GIPC3: variants seen among roughly 807,000 people sequenced by gnomAD.
The protein encoded by GIPC3 is PDZ domain-containing protein GIPC3.
In GIPC3, 16 loss-of-function variants were observed where a neutral mutation model predicts 27.3. The ratio of observed to expected loss-of-function variants is 0.59; its 90% confidence interval spans 0.40 to 0.89. The LOEUF (loss-of-function observed/expected upper bound fraction) is 0.89. GIPC3 is among the 40% of genes least tolerant of loss of function. The probability of loss-of-function intolerance (pLI) is 0.00; values close to 1 mark genes in which losing one functional copy is unlikely to be tolerated. For synonymous variants in GIPC3, 194 were observed against 184.6 expected, an observed-to-expected ratio of 1.05 and a Z score of -0.41; for missense variants, 440 against 442.1, an observed-to-expected ratio of 1.00 and a Z score of 0.04.
Position 3,592,644 on chromosome 19 carries a change from G to A in GIPC3, c.*2454G>A, listed in dbSNP as rs1004129386. The A allele has an allele frequency of 1.2e-5, 15 of 1,231,586 alleles. No homozygotes were observed. Among genetic ancestry groups the A allele is most frequent in the East Asian group, 3.2e-5 (1 of 31,700 alleles). 76.3% of individuals were successfully genotyped at this position (1,231,586 alleles called of 1,614,324 possible). On this transcript the variant is annotated 3_prime_UTR_variant, in exon 6 of 6. Transcript: ENST00000644452. Reference sequence around the variant, plus strand: ...TCAGTTTGGCTCTGAAACCCAGACCGGCTCAAGAATTCAGCCCGACTCTGG... The same window carrying A: ...TCAGTTTGGCTCTGAAACCCAGACCAGCTCAAGAATTCAGCCCGACTCTGG...
rs1599864422 is a variant in GIPC3, at chr19:3,589,680, A to G, written c.705+125A>G. ...TTCTCTGCCTGCAAAATGGGTCCTCATTGAAAAGTGGGGCAATGATGTTGG... is the reference window on the plus strand; with the variant it reads ...TTCTCTGCCTGCAAAATGGGTCCTCGTTGAAAAGTGGGGCAATGATGTTGG... On this transcript the variant is annotated intron_variant, in intron 4 of 5. Transcript: ENST00000644452. 8.3e-6 allele frequency: 9 copies of G among 1,090,316 alleles called. No homozygotes were observed. The East Asian group carries it at 1.8e-4, about 22-fold the overall frequency. The allele number at this position is 1,090,316 out of a possible 1,614,324, so 67.5% of individuals were successfully genotyped here. A position where few individuals can be genotyped will look rare whatever the true frequency, so the allele number is the denominator to read the frequency against.
chr19:3,592,795 G>A lies in GIPC3; in HGVS notation c.*2605G>A. The A allele has an allele frequency of 1.6e-6, 2 of 1,232,130 alleles. No individual in the cohort carries two copies. Among genetic ancestry groups the A allele is most frequent in the South Asian group, 8.2e-5 (2 of 24,324 alleles). The allele number at this position is 1,232,130 out of a possible 1,614,324, so 76.3% of individuals were successfully genotyped here. On this transcript the variant is annotated 3_prime_UTR_variant, in exon 6 of 6. Coordinates refer to ENST00000644452, the MANE Select transcript of GIPC3 (RefSeq NM_133261.3). ...AGTTCTGGAACCCAGCCTGTTTCTG[G>A]AACCCAATCCAGTTCCAGAACTCAC...
intron 3 of GIPC3, among the ~76,000 whole-genome samples, chr19:3,587,695 C>CTTCTTTTCTT (rs2032400543): frequency 7.6e-6 from 1 of 131,208 alleles, no homozygotes; most frequent in Admixed American, 7.7e-5. Context: ...CTTTTCTTTT[C>CTTCTTTTCTT]TTTTTTTTTT....
intron 4 of GIPC3, 124 bp from the exon 5 acceptor site, chr19:3,589,707 A>G (rs989636568): frequency 9.0e-7 from 1 of 1,113,110 alleles, no homozygotes; most frequent in African/African-American, 1.6e-5. Flanking sequence ...TGATGTTGGT[A>G]CCAGCACTAC....
chr19:3,585,625 CG>C lies in GIPC3; in HGVS notation c.33del (p.Thr12ProfsTer85). On this transcript the variant is annotated frameshift_variant, in exon 1 of 6. Transcript: ENST00000644452. LOFTEE classifies it high-confidence loss of function. ...GGAGGGAGCAGCGGCCCGGGAGGCC[CG>C]GGGGACCGAGACCCCGCGCGCGTCT... MEGAAAREA[R>X]GTETPRASAP... The C allele has an allele frequency of 1.7e-6, 2 of 1,173,284 alleles. No individual in the cohort carries two copies. Among genetic ancestry groups the C allele is most frequent in the Non-Finnish European group, 2.1e-6 (2 of 952,598 alleles). 72.7% of individuals were successfully genotyped at this position (1,173,284 alleles called of 1,614,324 possible). A position where few individuals can be genotyped will look rare whatever the true frequency, so the allele number is the denominator to read the frequency against.
intron 3 of GIPC3, among the ~76,000 whole-genome samples, chr19:3,588,640 C>CAA (rs969668918): frequency 0.046 from 3,371 of 73,920 alleles, 224 homozygotes; most frequent in African/African-American, 0.14. Flanking sequence ...TCCATCGTAT[C>CAA]AAAAAAAAAA....
At chr19:3,589,997 G>A (rs775216343) in intron 5 of GIPC3, 42 bp from the exon 6 acceptor site, 30 of 1,613,016 alleles carry the variant, frequency 1.9e-5, no homozygotes, top group Middle Eastern at 3.3e-4. Context: ...AGTTGGGCGC[G>A]GGGAGTGCCC....
rs2032492265 is a variant in GIPC3, at chr19:3,591,854, T to G, written c.*1664T>G. 8.1e-7 allele frequency: 1 copy of G among 1,232,958 alleles called. No individual in the cohort carries two copies. Among genetic ancestry groups the G allele is most frequent in the African/African-American group, 1.6e-5 (1 of 64,434 alleles). 76.4% of individuals were successfully genotyped at this position (1,232,958 alleles called of 1,614,324 possible). A position where few individuals can be genotyped will look rare whatever the true frequency, so the allele number is the denominator to read the frequency against. On this transcript the variant is annotated 3_prime_UTR_variant, in exon 6 of 6. Coordinates refer to ENST00000644452, the MANE Select transcript of GIPC3 (RefSeq NM_133261.3). ...GACCCAGCTCCAGCACACAGCTTGG[T>G]GCCAAGCCCCACTCTCCTTGCACAA...
Position 3,591,929 on chromosome 19 carries a change from C to G in GIPC3, c.*1739C>G. The G allele has an allele frequency of 8.1e-7, 1 of 1,232,394 alleles. No homozygotes were observed. Among genetic ancestry groups the G allele is most frequent in the Non-Finnish European group, 1.0e-6 (1 of 988,274 alleles). 76.3% of individuals were successfully genotyped at this position (1,232,394 alleles called of 1,614,324 possible). On this transcript the variant is annotated 3_prime_UTR_variant, in exon 6 of 6. Coordinates refer to ENST00000644452, the MANE Select transcript of GIPC3 (RefSeq NM_133261.3). Reference sequence around the variant, plus strand: ...TTACTTCCAGGACCCAGACCAATTTCAAGGCCTGGCCAAGCTCCAGAGCTC... The same window carrying G: ...TTACTTCCAGGACCCAGACCAATTTGAAGGCCTGGCCAAGCTCCAGAGCTC...
At position 3,590,387 on chromosome 19, in the gene GIPC3, C is replaced by T; in HGVS notation, c.*197C>T. ...CTGAGGCCAAGCTATGTGCTAGAGC[C>T]CAGGCCAGCTCTGAGACCAAGCCCA... On this transcript the variant is annotated 3_prime_UTR_variant, in exon 6 of 6. Transcript: ENST00000644452. 1 of 1,435,256 alleles carries T rather than the reference C, an allele frequency of 7.0e-7. No homozygotes were observed. Among genetic ancestry groups the T allele is most frequent in the Non-Finnish European group, 9.1e-7 (1 of 1,099,218 alleles). The allele number at this position is 1,435,256 out of a possible 1,614,324, so 88.9% of individuals were successfully genotyped here. A position where few individuals can be genotyped will look rare whatever the true frequency, so the allele number is the denominator to read the frequency against.
chr19:3,592,536 A>G lies in GIPC3; in HGVS notation c.*2346A>G, dbSNP rs1226284065. On this transcript the variant is annotated 3_prime_UTR_variant, in exon 6 of 6. Coordinates refer to ENST00000644452, the MANE Select transcript of GIPC3 (RefSeq NM_133261.3). ...TCAGCTCAGCCCTGGAGCTCATCTT[A>G]GCTCCAGAACCCAGTCCAGTCCTGA... 10 of 1,203,902 alleles carry G rather than the reference A, an allele frequency of 8.3e-6. No homozygotes were observed. Among genetic ancestry groups the G allele is most frequent in the Middle Eastern group, 3.2e-4 (1 of 3,162 alleles). 74.6% of individuals were successfully genotyped at this position (1,203,902 alleles called of 1,614,324 possible).
chr19:3,589,837 G>A lies in GIPC3; in HGVS notation c.712G>A (p.Glu238Lys). Reference sequence around the variant, plus strand: ...CCCTCCCGTGTGCCCCCAGCCCAGTGAGTTTGAGGAGGAGGCATCTCGGAA... The same window carrying A: ...CCCTCCCGTGTGCCCCCAGCCCAGTAAGTTTGAGGAGGAGGCATCTCGGAA... ...GAATVEEAPS[E>K]FEEEASRKVD... The change falls in exon 5 of 6, where the codon GAG becomes AAG. Residue 238 changes from glutamate to lysine, a missense_variant. Transcript: ENST00000644452. 6.2e-7 allele frequency: 1 copy of A among 1,613,736 alleles called. No individual in the cohort carries two copies. Among genetic ancestry groups the A allele is most frequent in the Non-Finnish European group, 8.5e-7 (1 of 1,179,988 alleles).
chr19:3,592,081 A>G lies in GIPC3; in HGVS notation c.*1891A>G. The G allele has an allele frequency of 8.1e-7, 1 of 1,232,168 alleles. No individual in the cohort carries two copies. The highest frequency in any genetic ancestry group is 4.1e-5 in the South Asian group (1 of 24,318). 76.3% of individuals were successfully genotyped at this position (1,232,168 alleles called of 1,614,324 possible). On this transcript the variant is annotated 3_prime_UTR_variant, in exon 6 of 6. Coordinates refer to ENST00000644452, the MANE Select transcript of GIPC3 (RefSeq NM_133261.3). ...GAGACCCAGCCAAGTTCCAGAATCCAGCTAAGCTCTGGAGTCCAATCTAGT... is the reference window on the plus strand; with the variant it reads ...GAGACCCAGCCAAGTTCCAGAATCCGGCTAAGCTCTGGAGTCCAATCTAGT...
chr19:3,590,200 G>A lies in GIPC3; in HGVS notation c.*10G>A. On this transcript the variant is annotated 3_prime_UTR_variant, in exon 6 of 6. Transcript: ENST00000644452. Reference sequence around the variant, plus strand: ...AGAGGCCTGTGGCTAGTTTGCCCTGGGGGGGCCCAGCACAGCCCCAGCCCG... The same window carrying A: ...AGAGGCCTGTGGCTAGTTTGCCCTGAGGGGGCCCAGCACAGCCCCAGCCCG... 1 of 1,582,084 alleles carries A rather than the reference G, an allele frequency of 6.3e-7. No individual in the cohort carries two copies. Among genetic ancestry groups the A allele is most frequent in the Non-Finnish European group, 8.6e-7 (1 of 1,165,340 alleles).
chr19:3,592,869 A>C lies in GIPC3; in HGVS notation c.*2679A>C. ...CCCTGGAAATGGAATCTGCCCACAGACCCCTGGCCTTGACCCTAGAATCCA... is the reference window on the plus strand; with the variant it reads ...CCCTGGAAATGGAATCTGCCCACAGCCCCCTGGCCTTGACCCTAGAATCCA... On this transcript the variant is annotated 3_prime_UTR_variant, in exon 6 of 6. Transcript: ENST00000644452. The C allele has an allele frequency of 8.1e-7, 1 of 1,231,702 alleles. No homozygotes were observed. Among genetic ancestry groups the C allele is most frequent in the Non-Finnish European group, 1.0e-6 (1 of 987,956 alleles). 76.3% of individuals were successfully genotyped at this position (1,231,702 alleles called of 1,614,324 possible).
chr19:3,589,414 A>G, intron 3 of GIPC3, 29 bp from the exon 4 acceptor site: 1 of 1,540,400 alleles, frequency 6.5e-7, no homozygotes, highest in Non-Finnish European at 9.0e-7. Flanking sequence ...CCCAGAACCC[A>G]TGGCCATCCC....
intron 1 of GIPC3, 137 bp from the exon 2 acceptor site, chr19:3,586,358 G>C (rs1184507235): frequency 1.3e-6 from 1 of 780,116 alleles, no homozygotes; most frequent in Non-Finnish European, 2.2e-6. Context: ...TCCTCTCTCT[G>C]TTCTGGGGGT....
rs1265688375 is a variant in GIPC3 at position 3,591,968 on chromosome 19, C to A, written c.*1778C>A. On this transcript the variant is annotated 3_prime_UTR_variant, in exon 6 of 6. Coordinates refer to ENST00000644452, the MANE Select transcript of GIPC3 (RefSeq NM_133261.3). ...GCTCCAGAGCTCAATCCAGCCCAAGCACCGCACCCAGCTCTGGAACTCAGC... is the reference window on the plus strand; with the variant it reads ...GCTCCAGAGCTCAATCCAGCCCAAGAACCGCACCCAGCTCTGGAACTCAGC... 1.6e-6 allele frequency: 2 copies of A among 1,231,900 alleles called. No individual in the cohort carries two copies. Among genetic ancestry groups the A allele is most frequent in the Non-Finnish European group, 1.0e-6 (1 of 988,098 alleles). 76.3% of individuals were successfully genotyped at this position (1,231,900 alleles called of 1,614,324 possible).
At chr19:3,589,239 C>T (rs1037040897) in intron 3 of GIPC3, among the ~76,000 whole-genome samples, 3 of 152,172 alleles carry the variant, frequency 2.0e-5, no homozygotes, top group African/African-American at 7.2e-5. Flanking sequence ...CATTACAACA[C>T]CTCATTCTGG....
Sources: gnomAD v4.1 joint callset for allele counts (sites outside exome capture counted in the v4.1 genomes callset) on GRCh38, gnomAD v4.1.1 for gene constraint, MANE v1.5 for transcripts, NCBI Gene and HGNC (gene_info 2026-07-23, HGNC 2026-07-21) for gene names.